EIF4G3: variants seen among roughly 807,000 people sequenced by gnomAD.
EIF4G3 encodes eIF-4-gamma 3.
A neutral mutation model predicts 186.4 loss-of-function variants in EIF4G3; 34 were observed. The observed-to-expected ratio is 0.18, with a 90% CI of 0.14 to 0.24. The LOEUF (loss-of-function observed/expected upper bound fraction) is 0.24. Ranked by LOEUF, EIF4G3 falls within the 10% of genes least tolerant of loss-of-function variation. The pLI is 1.00. For synonymous variants in EIF4G3, 673 were observed against 679.5 expected, an observed-to-expected ratio of 0.99 and a Z score of 0.15; for missense variants, 1,536 against 1,948.5, an observed-to-expected ratio of 0.79 and a Z score of 3.99.
intron 4 of EIF4G3, among the ~76,000 whole-genome samples, chr1:21,028,772 T>C (rs539695143): frequency 6.6e-6 from 1 of 152,218 alleles, no homozygotes; most frequent in Non-Finnish European, 1.5e-5. Flanking sequence ...AGTACTGAAG[T>C]AAGCACAGTT....
At chr1:21,165,711 G>T (rs2097845129) in intron 2 of EIF4G3, among the ~76,000 whole-genome samples, 1 of 152,052 alleles carries the variant, frequency 6.6e-6, no homozygotes, top group Non-Finnish European at 1.5e-5. Flanking sequence ...AGTCAAACAG[G>T]TTCCTTTGGG....
chr1:21,025,524 G>T (rs1178876146), intron 4 of EIF4G3, among the ~76,000 whole-genome samples: 1 of 152,064 alleles, frequency 6.6e-6, no homozygotes, highest in Admixed American at 6.5e-5. Context: ...TAAATATAAG[G>T]GGAAGAAAGC....
rs537430362 is a variant in EIF4G3, at chr1:20,927,870, G to GT, written c.1663+13620dup. ...GATTGCTACAGGTGTTTTTTGTTTT[G>GT]TTTTTTTGACAGGGTCTTACTCTGT... On this transcript the variant is annotated intron_variant, in intron 14 of 36. Coordinates refer to ENST00000602326, the MANE Select transcript of EIF4G3 (RefSeq NM_001391906.1). Among the ~76,000 whole-genome samples the GT allele has an allele frequency of 3.0e-4, 46 of 151,968 alleles. No homozygotes were observed. In the East Asian group the frequency reaches 7.7e-3, roughly 26 times the overall value.
chr1:20,881,002 A>C (rs12564330), intron 19 of EIF4G3, among the ~76,000 whole-genome samples: 87,952 of 151,638 alleles, frequency 0.58, 25,815 homozygotes, highest in East Asian at 0.82. Context: ...CACACACACA[A>C]ATACAAAACC....
chr1:20,978,740 C>T (rs941716165), intron 10 of EIF4G3, among the ~76,000 whole-genome samples: 2 of 150,806 alleles, frequency 1.3e-5, no homozygotes, highest in Non-Finnish European at 2.9e-5. Flanking sequence ...CAGATGCCCA[C>T]TGGGGGTCTT....
At chr1:21,047,373 T>C (rs2093950233) in intron 4 of EIF4G3, among the ~76,000 whole-genome samples, 2 of 152,174 alleles carry the variant, frequency 1.3e-5, no homozygotes, top group Non-Finnish European at 2.9e-5. Flanking sequence ...AGACTTTTCA[T>C]TTTACTTTTG....
At chr1:20,941,157 A>T in intron 14 of EIF4G3, 8 of 1,422,412 alleles carry the variant, frequency 5.6e-6, no homozygotes, top group Middle Eastern at 2.6e-4. Flanking sequence ...TTTGTTTTCT[A>T]GCCCCAAAGC....
chr1:20,814,892 C>G (rs1277214375), intron 34 of EIF4G3, among the ~76,000 whole-genome samples: 1 of 119,842 alleles, frequency 8.3e-6, no homozygotes, highest in East Asian at 2.7e-4. Context: ...GCCTGATTCT[C>G]CTGCCTCAGC....
At chr1:21,058,334 G>C (rs1358893240) in intron 3 of EIF4G3, among the ~76,000 whole-genome samples, 3 of 152,116 alleles carry the variant, frequency 2.0e-5, no homozygotes, top group African/African-American at 7.2e-5. Flanking sequence ...AGGAATTCCA[G>C]ATAAGCAGTG....
In EIF4G3 at chr1:20,810,820, C is replaced by T. The variant is rs781227690; in HGVS notation, c.4662G>A (p.Lys1554=). 2 of 1,614,150 alleles carry T rather than the reference C, an allele frequency of 1.2e-6. No individual in the cohort carries two copies. The highest frequency in any genetic ancestry group is 3.3e-4 in the Middle Eastern group (2 of 6,060). The change falls in exon 36 of 37, where the codon AAG becomes AAA. Residue 1554 remains lysine, a synonymous_variant. Coordinates refer to ENST00000602326, the MANE Select transcript of EIF4G3 (RefSeq NM_001391906.1). The surrounding 1 kb of genome is among the most constrained non-coding windows in gnomAD (Gnocchi z 4.1). ...CCTTCTCTGTATCTGAGTCTAGGTA[C>T]TTGAGTAAGATCGGCACTCTCTGCT... ...VIKQRVPILL[K]YLDSDTEKEL...
In EIF4G3 at chr1:20,828,399, G is replaced by A. The variant is rs144879018; in HGVS notation, c.4188-701C>T. On this transcript the variant is annotated intron_variant, in intron 31 of 36. Transcript: ENST00000602326. ...AAATTATGGATGAAACAGCAAAGGG[G>A]CCAATTTTGTAACAGTCTAAATCAG... Among the ~76,000 whole-genome samples, 472 of 152,192 alleles carry A rather than the reference G, an allele frequency of 3.1e-3. 2 individuals are homozygous for A. Among genetic ancestry groups the A allele is most frequent in the African/African-American group, 0.011 (453 of 41,524 alleles).
intron 11 of EIF4G3, among the ~76,000 whole-genome samples, chr1:20,971,082 A>C (rs1306423559): frequency 6.6e-6 from 1 of 152,246 alleles, no homozygotes; most frequent in Non-Finnish European, 1.5e-5. Flanking sequence ...TAATTTTTTT[A>C]AAGGCTACCC....
intron 2 of EIF4G3, among the ~76,000 whole-genome samples, chr1:21,091,733 T>C (rs181620092): frequency 1.9e-4 from 29 of 152,256 alleles, no homozygotes; most frequent in Admixed American, 4.6e-4. Context: ...GATTCCTAGG[T>C]ATTTTATTCC....
chr1:21,155,262 CAAAAAAAAAAAAA>C (rs34182850), intron 2 of EIF4G3, among the ~76,000 whole-genome samples: 3 of 43,326 alleles, frequency 6.9e-5, no homozygotes, highest in East Asian at 7.8e-4. Flanking sequence ...GACTCTGTCT[CAAAAAAAAAAAAA>C]AAAAAAAAAA....
At chr1:20,827,753 A>G in intron 31 of EIF4G3, 55 bp from the exon 32 acceptor site, 1 of 1,241,356 alleles carries the variant, frequency 8.1e-7, no homozygotes, top group East Asian at 2.4e-5. Flanking sequence ...TTTCTTCTAG[A>G]ACAAGAGGCA....
In EIF4G3 at chr1:21,176,741, AT is replaced by A; in HGVS notation, c.-476del. 1 of 696,922 alleles carries A rather than the reference AT, an allele frequency of 1.4e-6. No individual in the cohort carries two copies. Among genetic ancestry groups the A allele is most frequent in the Admixed American group, 2.1e-5 (1 of 48,744 alleles). The allele number at this position is 696,922 out of a possible 1,614,324, so 43.2% of individuals were successfully genotyped here. A position where few individuals can be genotyped will look rare whatever the true frequency, so the allele number is the denominator to read the frequency against. On this transcript the variant is annotated 5_prime_UTR_variant, in exon 1 of 37. It removes an upstream start codon present in the reference 5' UTR. Transcript: ENST00000602326. ...CCGGACCTTTCACGGCAATATCCTC[AT>A]GGGCCGGCGGCGGGGGATCTTTATC...
intron 9 of EIF4G3, 48 bp from the exon 10 acceptor site, chr1:20,980,496 GGC>G: frequency 7.9e-7 from 1 of 1,268,444 alleles, no homozygotes; most frequent in Non-Finnish European, 1.1e-6. Flanking sequence ...GGTATCTGGG[GGC>G]GAAAAACATA....
intron 7 of EIF4G3, among the ~76,000 whole-genome samples, chr1:20,994,482 A>C (rs1369871309): frequency 6.6e-6 from 1 of 152,322 alleles, no homozygotes; most frequent in African/African-American, 2.4e-5. Context: ...ACAAAGAAAA[A>C]AGTGCCAGCT....
chr1:21,095,966 T>A (rs1026099482), intron 2 of EIF4G3, among the ~76,000 whole-genome samples: 1 of 152,264 alleles, frequency 6.6e-6, no homozygotes, highest in Non-Finnish European at 1.5e-5. Context: ...AAGTTTCTAA[T>A]GCCCTCACAT....
Sources: gnomAD v4.1 joint callset for allele counts (sites outside exome capture counted in the v4.1 genomes callset) on GRCh38, gnomAD v4.1.1 for gene constraint, Gnocchi (gnomAD v3.1) non-coding constraint, MANE v1.5 for transcripts, NCBI Gene and HGNC (gene_info 2026-07-23, HGNC 2026-07-21) for gene names.